Variants in HIVEP3 observed in about 807,000 individuals in gnomAD.
HIVEP3 encodes the protein transcription factor HIVEP3.
In HIVEP3, 49 loss-of-function variants were observed where a neutral mutation model predicts 152.8. The ratio of observed to expected loss-of-function variants is 0.32; its 90% confidence interval spans 0.26 to 0.41. The LOEUF is 0.41. HIVEP3 is among the 10% of genes least tolerant of loss of function. The pLI, the probability that HIVEP3 is intolerant of heterozygous loss-of-function variation, is 1.00. For missense variants in HIVEP3, 2,790 were observed against 3,103.3 expected, an observed-to-expected ratio of 0.90 and a Z score of 2.40; for synonymous variants, 1,269 against 1,289.0, an observed-to-expected ratio of 0.98 and a Z score of 0.33.
intron 1 of HIVEP3, among the ~76,000 whole-genome samples, chr1:41,965,520 T>G (rs1015412216): frequency 1.7e-4 from 26 of 151,980 alleles, no homozygotes; most frequent in Admixed American, 1.6e-3. Flanking sequence ...AATAAACAGT[T>G]TAGAGAGGAA....
chr1:41,761,644 C>T (rs1647689000), intron 1 of HIVEP3, among the ~76,000 whole-genome samples: 1 of 152,074 alleles, frequency 6.6e-6, no homozygotes, highest in Non-Finnish European at 1.5e-5. Context: ...TGTGTATGCA[C>T]ATGAATGTGC....
At chr1:41,643,883 C>G (rs1015551352) in intron 2 of HIVEP3, among the ~76,000 whole-genome samples, 3 of 84,240 alleles carry the variant, frequency 3.6e-5, no homozygotes, top group African/African-American at 1.6e-4. Context: ...GTCTGCCTTC[C>G]CATCCTCTTT....
chr1:41,625,601 G>A (rs1435965602), intron 3 of HIVEP3, among the ~76,000 whole-genome samples: 1 of 152,160 alleles, frequency 6.6e-6, no homozygotes, highest in African/African-American at 2.4e-5. Context: ...CAGGTGTGGT[G>A]GTCCATGCCT....
intron 1 of HIVEP3, among the ~76,000 whole-genome samples, chr1:41,753,801 A>G (rs2083467): frequency 0.86 from 131,206 of 152,168 alleles, 59,187 homozygotes; most frequent in Non-Finnish European, 1. Flanking sequence ...AGCAGGCATC[A>G]TGTGCCAGGC....
rs537535931 is a variant in HIVEP3 at position 41,968,176 on chromosome 1, G to A, written n.120-49652C>T. Among the ~76,000 whole-genome samples, 15 of 151,892 alleles carry A rather than the reference G, an allele frequency of 9.9e-5. 1 individual carries two copies. The South Asian group carries it at 2.7e-3, about 27-fold the overall frequency. On this transcript the variant is annotated intron_variant and non_coding_transcript_variant, in intron 1 of 3. Coordinates refer to the HIVEP3 transcript ENST00000489103. ...CTATCCCAAATAACAGAAAAAGAGGGACTCCTCCCTAACTCATTTTATGAG... is the reference window on the plus strand; with the variant it reads ...CTATCCCAAATAACAGAAAAAGAGGAACTCCTCCCTAACTCATTTTATGAG...
chr1:41,677,479 A>G (rs918855309), intron 2 of HIVEP3, among the ~76,000 whole-genome samples: 1 of 152,212 alleles, frequency 6.6e-6, no homozygotes, highest in Non-Finnish European at 1.5e-5. Flanking sequence ...TTCACTATAA[A>G]ATGGGGTAGT....
intron 5 of HIVEP3, among the ~76,000 whole-genome samples, chr1:41,529,656 GC>G (rs1313416265): frequency 6.5e-5 from 3 of 45,890 alleles, no homozygotes; most frequent in African/African-American, 1.9e-4. Context: ...CCACACTCAC[GC>G]CCCTACACAC....
intron 3 of HIVEP3, among the ~76,000 whole-genome samples, chr1:41,604,407 G>A (rs1644788813): frequency 6.6e-6 from 1 of 152,138 alleles, no homozygotes; most frequent in African/African-American, 2.4e-5. Flanking sequence ...AATAAGTAAA[G>A]GAATTCAGAC....
chr1:41,793,455 A>G (rs141488242), intron 1 of HIVEP3, among the ~76,000 whole-genome samples: 71 of 152,342 alleles, frequency 4.7e-4, no homozygotes, highest in African/African-American at 1.7e-3. Flanking sequence ...GGGGCAGAGA[A>G]GCTGATCCAC....
At chr1:41,872,916 A>G (rs1644107753) in intron 1 of HIVEP3, among the ~76,000 whole-genome samples, 1 of 152,248 alleles carries the variant, frequency 6.6e-6, no homozygotes, top group Non-Finnish European at 1.5e-5. Context: ...AATACCTAGG[A>G]GTAAAATCAC....
intron 1 of HIVEP3, among the ~76,000 whole-genome samples, chr1:41,825,092 C>T (rs1215899398): frequency 6.6e-6 from 1 of 152,014 alleles, no homozygotes; most frequent in Admixed American, 6.6e-5. Context: ...CACCTGGGTG[C>T]AGGCGGGCTG....
At chr1:41,976,736 A>G (rs1056155896) in intron 1 of HIVEP3, among the ~76,000 whole-genome samples, 6 of 152,208 alleles carry the variant, frequency 3.9e-5, no homozygotes, top group Non-Finnish European at 8.8e-5. Flanking sequence ...CCCTAATCCA[A>G]TATGACTGAT....
intron 1 of HIVEP3, among the ~76,000 whole-genome samples, chr1:41,763,679 G>A (rs1226812575): frequency 2.6e-5 from 4 of 152,168 alleles, no homozygotes; most frequent in Non-Finnish European, 5.9e-5. Context: ...ATATCATATA[G>A]TAATGCTGGA....
intron 3 of HIVEP3, among the ~76,000 whole-genome samples, chr1:41,609,612 C>T (rs950222618): frequency 2.6e-5 from 4 of 152,244 alleles, no homozygotes; most frequent in Non-Finnish European, 5.9e-5. Flanking sequence ...AATGACACCC[C>T]TTTTTAAGAC....
At chr1:41,637,030 C>T (rs572553557) in intron 2 of HIVEP3, among the ~76,000 whole-genome samples, 1 of 151,864 alleles carries the variant, frequency 6.6e-6, no homozygotes, top group South Asian at 2.1e-4. Context: ...TGATTGCTAC[C>T]ATCAAGTGGT....
intron 2 of HIVEP3, among the ~76,000 whole-genome samples, chr1:41,645,932 C>T (rs1645452280): frequency 6.6e-6 from 1 of 152,170 alleles, no homozygotes; most frequent in African/African-American, 2.4e-5. Flanking sequence ...CTCCATGCCA[C>T]ATTTGCACGA....
intron 1 of HIVEP3, among the ~76,000 whole-genome samples, chr1:41,968,330 T>G (rs1359468293): frequency 6.6e-6 from 1 of 151,738 alleles, no homozygotes; most frequent in Non-Finnish European, 1.5e-5. Context: ...GCAAACAAAA[T>G]CCAGCAGCAC....
At chr1:42,019,043 A>C (rs1296503558) in intron 1 of HIVEP3, among the ~76,000 whole-genome samples, 1 of 151,990 alleles carries the variant, frequency 6.6e-6, no homozygotes, top group African/African-American at 2.4e-5. Flanking sequence ...AATCTGTCTC[A>C]ACTAAGAACT....
chr1:41,968,140 T>C (rs1261997047), intron 1 of HIVEP3, among the ~76,000 whole-genome samples: 8 of 152,106 alleles, frequency 5.3e-5, no homozygotes, highest in African/African-American at 1.9e-4. Flanking sequence ...ATGGTACCAT[T>C]TCTTCTGAAA....
Sources: allele counts gnomAD v4.1 joint callset (sites outside exome capture counted in the v4.1 genomes callset), GRCh38; gene constraint gnomAD v4.1.1; transcripts MANE v1.5; gene names NCBI Gene and HGNC (gene_info 2026-07-23, HGNC 2026-07-21).